The following RBM47 variants were observed in gnomAD, a reference collection of about 807,000 sequenced individuals.
The protein encoded by RBM47 is RNA binding motif protein 47.
A neutral mutation model predicts 47.1 loss-of-function variants in RBM47; 21 were observed. The observed-to-expected ratio is 0.45, with a 90% confidence interval of 0.32 to 0.64. The LOEUF is 0.64. Among genes scored for constraint, RBM47 ranks in the 30% least tolerant of loss-of-function variants. RBM47 has a pLI of 0.05. For missense variants in RBM47, 708 were observed against 870.9 expected, an observed-to-expected ratio of 0.81 and a Z score of 2.35; for synonymous variants, 375 against 361.7, an observed-to-expected ratio of 1.04 and a Z score of -0.42.
At position 40,541,991 on chromosome 4, in the gene RBM47, TTGTC is replaced by T. The variant is rs1322064551; in HGVS notation, c.-155+2427_-155+2430del. ...GCAGAGACAAAGAAATGTGGACACA[TTGTC>T]TGTGAAAACCACCTCTTACTAGAAG... On this transcript the variant is annotated intron_variant, in intron 2 of 6. Transcript: ENST00000295971. Among the ~76,000 whole-genome samples the T allele has an allele frequency of 3.9e-5, 6 of 152,266 alleles. No homozygotes were observed. In the East Asian group the frequency reaches 7.7e-4, roughly 20 times the overall value.
At chr4:40,523,969 G>T (rs1295857600) in intron 2 of RBM47, among the ~76,000 whole-genome samples, 1 of 152,036 alleles carries the variant, frequency 6.6e-6, no homozygotes, top group Non-Finnish European at 1.5e-5. Context: ...GATAAGAAAT[G>T]AATATTTTCA....
intron 1 of RBM47, among the ~76,000 whole-genome samples, chr4:40,580,479 C>G (rs1238687918): frequency 1.3e-5 from 2 of 150,476 alleles, no homozygotes; most frequent in African/African-American, 4.9e-5. Flanking sequence ...CGTGGGAAGG[C>G]CAGATAATTA....
rs1732319200 is a variant in RBM47, at chr4:40,576,265, G to GGA, written c.-239-31760_-239-31759insTC. Among the ~76,000 whole-genome samples the GGA allele has an allele frequency of 3.2e-4, 29 of 91,688 alleles. No homozygotes were observed. The South Asian group carries it at 9.3e-3, about 29-fold the overall frequency. The allele number at this position is 91,688 out of a possible 152,430, so 60.2% of individuals were successfully genotyped here. A position where few individuals can be genotyped will look rare whatever the true frequency, so the allele number is the denominator to read the frequency against. ...GTTTTTTTTTTTTTTTTGGGGGGGG[G>GGA]CGGAGACAGGGTCTCCCCCTGTCAC... On this transcript the variant is annotated intron_variant, in intron 1 of 6. Coordinates refer to ENST00000295971, the MANE Select transcript of RBM47 (RefSeq NM_001098634.2).
rs754813778 is a variant in RBM47 at position 40,438,636 on chromosome 4, C to G, written c.258G>C (p.Glu86Asp). 1 of 1,613,166 alleles carries G rather than the reference C, an allele frequency of 6.2e-7. No individual in the cohort carries two copies. Among genetic ancestry groups the G allele is most frequent in the African/African-American group, 1.3e-5 (1 of 74,954 alleles). The change falls in exon 4 of 7, where the codon GAG becomes GAC. Residue 86 changes from glutamate (E) to aspartate (D), a missense_variant. Glu to Asp is a conservative substitution (Grantham distance 45). Coordinates refer to ENST00000295971, the MANE Select transcript of RBM47 (RefSeq NM_001098634.2). ...CCACGGCCTCGAACACGGGCACCAG[C>G]TCGTCCTCGTACACGTCGCGCGGGA... ...GKIPRDVYEDELVPVFEAVGR... is the reference protein window; with the variant it reads ...GKIPRDVYEDDLVPVFEAVGR...
intron 3 of RBM47, among the ~76,000 whole-genome samples, chr4:40,448,319 G>C (rs1419377909): frequency 1.3e-5 from 2 of 152,130 alleles, no homozygotes; most frequent in African/African-American, 2.4e-5. Flanking sequence ...GTGTGTTTGA[G>C]ATGAGTATGC....
intron 3 of RBM47, chr4:40,455,361 C>T (rs998854302): frequency 6.6e-6 from 1 of 152,198 alleles, no homozygotes; most frequent in Non-Finnish European, 1.5e-5. Flanking sequence ...GACTGTACTA[C>T]TTGAAAAACA....
Position 40,503,746 on chromosome 4 carries a change from T to TAC in RBM47, c.-154-37049_-154-37048dup, listed in dbSNP as rs538808008. Among the ~76,000 whole-genome samples the TAC allele has an allele frequency of 5.3e-3, 803 of 151,438 alleles. 5 individuals carry two copies. Among genetic ancestry groups the TAC allele is most frequent in the African/African-American group, 0.018 (759 of 41,306 alleles). On this transcript the variant is annotated intron_variant, in intron 2 of 6. Transcript: ENST00000295971. Reference sequence around the variant, plus strand: ...GAGAGAAGAATATATGTAAATATATTACACACACACACACAGACATATACA... The same window carrying TAC: ...GAGAGAAGAATATATGTAAATATATTACACACACACACACACAGACATATACA...
chr4:40,556,202 A>G (rs1730070267), intron 1 of RBM47, among the ~76,000 whole-genome samples: 1 of 151,436 alleles, frequency 6.6e-6, no homozygotes, highest in African/African-American at 2.4e-5. Context: ...CGTCTGGCTT[A>G]TTTTTGTATT....
chr4:40,432,854 G>A lies in RBM47; in HGVS notation c.1339C>T (p.Pro447Ser), dbSNP rs1711565639. 6.2e-7 allele frequency: 1 copy of A among 1,613,492 alleles called. No homozygotes were observed. Among genetic ancestry groups the A allele is most frequent in the Non-Finnish European group, 8.5e-7 (1 of 1,179,874 alleles). Residue 447 changes from proline to serine, a missense_variant, in exon 6 of 7, where the codon CCT (proline) becomes TCT (serine). Pro to Ser is a moderately conservative substitution (Grantham distance 74). Coordinates refer to ENST00000295971, the MANE Select transcript of RBM47 (RefSeq NM_001098634.2). ...VAIKPGTVAI[P>S]AIGAQYSMFP... ...ATGGAATACTGAGCCCCAATGGCAG[G>A]GATGGCTACTGCAAGAGAAGCAAGA...
At chr4:40,442,409 A>G (rs1429047654) in intron 3 of RBM47, among the ~76,000 whole-genome samples, 1 of 152,196 alleles carries the variant, frequency 6.6e-6, no homozygotes, top group African/African-American at 2.4e-5. Flanking sequence ...TGAAACCCTC[A>G]TGCAGTGCTG....
intron 2 of RBM47, among the ~76,000 whole-genome samples, chr4:40,527,436 A>ATTTTTTTT (rs60524903): frequency 8.3e-3 from 864 of 104,496 alleles, no homozygotes; most frequent in African/African-American, 0.017. Flanking sequence ...ACACCTGGCA[A>ATTTTTTTT]TTTTTTTTTT....
rs750371197 is a variant in RBM47, at chr4:40,437,844, G to A, written c.1050C>T (p.Asp350=). 2 of 1,614,100 alleles carry A rather than the reference G, an allele frequency of 1.2e-6. No individual in the cohort carries two copies. Among genetic ancestry groups the A allele is most frequent in the Non-Finnish European group, 1.7e-6 (2 of 1,180,000 alleles). Residue 350 remains aspartate (D), a synonymous_variant, in exon 4 of 7, where the codon GAC becomes GAT. Coordinates refer to ENST00000295971, the MANE Select transcript of RBM47 (RefSeq NM_001098634.2). ...AQQPSYVYSC[D]PYTLAYYGYP... is the part of the protein sequence containing the mutation. ...AGCCGTAGTAGGCCAGTGTGTAGGG[G>A]TCGCAGGAGTACACGTAGCTGGGCT... is the stretch of plus-strand genomic sequence containing the variant.
intron 1 of RBM47, among the ~76,000 whole-genome samples, chr4:40,602,210 G>A (rs770325355): frequency 6.6e-6 from 1 of 151,848 alleles, no homozygotes; most frequent in Non-Finnish European, 1.5e-5. Context: ...ATACTTCACT[G>A]TACCTTCCAT....
intron 3 of RBM47, among the ~76,000 whole-genome samples, chr4:40,448,700 A>C (rs1170613906): frequency 6.6e-6 from 1 of 152,214 alleles, no homozygotes; most frequent in African/African-American, 2.4e-5. Flanking sequence ...AGATGGTTCT[A>C]GTAACAGCAC....
chr4:40,448,274 TGTGTGA>T (rs1577657636), intron 3 of RBM47, among the ~76,000 whole-genome samples: 2 of 151,428 alleles, frequency 1.3e-5, no homozygotes, highest in Admixed American at 6.6e-5. Flanking sequence ...AGAGTGTGTG[TGTGTGA>T]GTGTGAGTGT....
At chr4:40,445,013 G>A (rs1379325222) in intron 3 of RBM47, among the ~76,000 whole-genome samples, 5 of 151,362 alleles carry the variant, frequency 3.3e-5, no homozygotes, top group African/African-American at 1.2e-4. Context: ...GGTGGCTCAT[G>A]CCTGTAATCC....
intron 1 of RBM47, among the ~76,000 whole-genome samples, chr4:40,590,709 TAAAG>T (rs760148594): frequency 1.3e-5 from 2 of 152,200 alleles, no homozygotes; most frequent in Admixed American, 6.5e-5. Flanking sequence ...TATTCAGTCT[TAAAG>T]AAATGAAGTG....
chr4:40,589,759 G>T (rs1010615921), intron 1 of RBM47, among the ~76,000 whole-genome samples: 2 of 152,172 alleles, frequency 1.3e-5, no homozygotes, highest in African/African-American at 4.8e-5. Context: ...AATTTAAAAG[G>T]GTGAATTGTA....
intron 1 of RBM47, among the ~76,000 whole-genome samples, chr4:40,579,563 A>ATTTTACCT (rs1732686145): frequency 6.6e-6 from 1 of 152,110 alleles, no homozygotes; most frequent in Non-Finnish European, 1.5e-5. Context: ...GATCTGACTT[A>ATTTTACCT]AGTGGGAACT....
Sources: gnomAD v4.1 joint callset for allele counts (sites outside exome capture counted in the v4.1 genomes callset) on GRCh38, gnomAD v4.1.1 for gene constraint, MANE v1.5 for transcripts, NCBI Gene and HGNC (gene_info 2026-07-23, HGNC 2026-07-21) for gene names.